Variants in SMIM31 observed in about 807,000 individuals in gnomAD.
SMIM31 encodes human epithelial cell program regulator.
chr4:164,763,774 C>T (rs946943751), intron 1 of SMIM31, among the ~76,000 whole-genome samples: 5 of 152,150 alleles, frequency 3.3e-5, no homozygotes, highest in African/African-American at 1.2e-4. Context: ...TAAAAGAAGG[C>T]ATAGAATACC....
At chr4:164,794,307 A>G (rs777790880) in intron 2 of SMIM31, among the ~76,000 whole-genome samples, 1 of 152,054 alleles carries the variant, frequency 6.6e-6, no homozygotes, top group Non-Finnish European at 1.5e-5. Context: ...TCAGCCCAGG[A>G]GGTTGAGCCT....
intron 1 of SMIM31, among the ~76,000 whole-genome samples, chr4:164,762,685 A>G (rs1335944335): frequency 4.2e-5 from 6 of 143,794 alleles, no homozygotes; most frequent in Non-Finnish European, 6.1e-5. Context: ...AAAAAAAAAG[A>G]AAAAGAAAAA....
At chr4:164,795,364 C>A (rs193234429) in intron 2 of SMIM31, among the ~76,000 whole-genome samples, 5 of 152,152 alleles carry the variant, frequency 3.3e-5, no homozygotes, top group African/African-American at 9.6e-5. Context: ...TCGAGGCCAG[C>A]CTGGCCAACA....
chr4:164,791,934 G>A (rs757787099), intron 2 of SMIM31, among the ~76,000 whole-genome samples: 2 of 152,130 alleles, frequency 1.3e-5, no homozygotes, highest in Non-Finnish European at 2.9e-5. Flanking sequence ...CGCACTTATA[G>A]GTGAGAACAT....
intron 2 of SMIM31, among the ~76,000 whole-genome samples, chr4:164,773,861 A>T (rs927297745): frequency 2.0e-5 from 3 of 152,092 alleles, no homozygotes; most frequent in Admixed American, 2.0e-4. Context: ...AGAAATTTAG[A>T]TAGAGCAATA....
chr4:164,766,179 T>C (rs571311546), intron 1 of SMIM31, among the ~76,000 whole-genome samples: 2 of 152,204 alleles, frequency 1.3e-5, no homozygotes, highest in African/African-American at 2.4e-5. Context: ...CCATGCTGCC[T>C]GTTTTATGGA....
chr4:164,757,527 T>C (rs934261880), intron 1 of SMIM31, among the ~76,000 whole-genome samples: 4 of 152,154 alleles, frequency 2.6e-5, no homozygotes, highest in African/African-American at 9.7e-5. Context: ...TATGCTTTTT[T>C]TTTTAGAAGT....
chr4:164,771,471 T>C (rs1234115898), intron 2 of SMIM31, among the ~76,000 whole-genome samples: 1 of 152,176 alleles, frequency 6.6e-6, no homozygotes. Context: ...CCCAGGTTAC[T>C]TCTACCTTGG....
At chr4:164,756,308 C>A (rs1221482960) in intron 1 of SMIM31, among the ~76,000 whole-genome samples, 1 of 152,080 alleles carries the variant, frequency 6.6e-6, no homozygotes, top group Non-Finnish European at 1.5e-5. Flanking sequence ...CGGTGGCTCA[C>A]GCCTGTAATC....
At chr4:164,782,244 C>G (rs185900768) in intron 2 of SMIM31, among the ~76,000 whole-genome samples, 3 of 151,404 alleles carry the variant, frequency 2.0e-5, no homozygotes, top group African/African-American at 7.3e-5. Flanking sequence ...GAGCCGAGAC[C>G]GCGCCATTGC....
At chr4:164,782,646 A>C (rs567949703) in intron 2 of SMIM31, among the ~76,000 whole-genome samples, 2 of 148,356 alleles carry the variant, frequency 1.3e-5, no homozygotes, top group South Asian at 4.2e-4. Context: ...CTCTTAAGTG[A>C]TATAAACATC....
At chr4:164,787,149 C>A (rs1446731779) in intron 2 of SMIM31, 1 of 152,032 alleles carries the variant, frequency 6.6e-6, no homozygotes, top group East Asian at 1.9e-4. Flanking sequence ...TTAAATAATT[C>A]TTAAAACTAC....
At chr4:164,783,044 C>A (rs957407586) in intron 2 of SMIM31, among the ~76,000 whole-genome samples, 2 of 151,002 alleles carry the variant, frequency 1.3e-5, no homozygotes, top group Non-Finnish European at 2.9e-5. Context: ...ACAGTGAAAC[C>A]CCATCTCTAC....
intron 2 of SMIM31, among the ~76,000 whole-genome samples, chr4:164,777,697 G>T (rs956908948): frequency 1.3e-5 from 2 of 151,448 alleles, no homozygotes; most frequent in Non-Finnish European, 2.9e-5. Context: ...TAGCTATCCA[G>T]CATCCCCATG....
rs1269087417 is a variant in SMIM31 at position 164,770,532 on chromosome 4, C to T, written c.89C>T (p.Thr30Ile). Residue 30 changes from threonine to isoleucine, a missense_variant, in exon 2 of 3, where the codon ACT becomes ATT. Transcript: ENST00000507311. ...TTATTTACCCTGGCTTCCATCTACA[C>T]TACTCCGGATGACAGTAATGAAGGT... ...FSLFTLASIY[T>I]TPDDSNEEEE... The T allele has an allele frequency of 2.5e-6, 1 of 398,858 alleles. No homozygotes were observed. The allele number at this position is 398,858 out of a possible 1,614,324, so 24.7% of individuals were successfully genotyped here.
intron 2 of SMIM31, among the ~76,000 whole-genome samples, chr4:164,798,365 C>T (rs1306046011): frequency 2.0e-5 from 3 of 151,826 alleles, no homozygotes; most frequent in Admixed American, 2.0e-4. Context: ...TCCTGAGTAG[C>T]TGGGACTACA....
At chr4:164,762,662 C>CAAACAACAAAA (rs1732666325) in intron 1 of SMIM31, among the ~76,000 whole-genome samples, 1 of 100,116 alleles carries the variant, frequency 1.0e-5, no homozygotes, top group Non-Finnish European at 2.0e-5. Flanking sequence ...GACTCTGTCT[C>CAAACAACAAAA]AAAAAAAAAA....
intron 2 of SMIM31, among the ~76,000 whole-genome samples, chr4:164,798,739 ATG>A (rs36090800): frequency 0.33 from 49,780 of 151,774 alleles, 9,143 homozygotes; most frequent in East Asian, 0.43. Flanking sequence ...TATTGTTTGG[ATG>A]TTGTCCCCTC....
At chr4:164,778,298 C>A (rs1205077839) in intron 2 of SMIM31, among the ~76,000 whole-genome samples, 1 of 151,600 alleles carries the variant, frequency 6.6e-6, no homozygotes, top group Non-Finnish European at 1.5e-5. Context: ...AGTAGGGAAG[C>A]TACAAATTTG....
Sources: gnomAD v4.1 joint callset for allele counts (sites outside exome capture counted in the v4.1 genomes callset) on GRCh38, gnomAD v4.1.1 for gene constraint, MANE v1.5 for transcripts, NCBI Gene and HGNC (gene_info 2026-07-23, HGNC 2026-07-21) for gene names.